UNC13C: variants seen among roughly 807,000 people sequenced by gnomAD.
The protein encoded by UNC13C is unc-13 homolog C.
A neutral mutation model predicts 245.4 loss-of-function variants in UNC13C; 174 were observed. The observed-to-expected ratio is 0.71, with a 90% CI of 0.63 to 0.80. The LOEUF (loss-of-function observed/expected upper bound fraction) is 0.80. Ranked by LOEUF, UNC13C falls within the 30% of genes least tolerant of loss-of-function variation. UNC13C has a pLI of 0.00. For synonymous variants in UNC13C, 992 were observed against 895.1 expected (o/e 1.11, Z -1.93); for missense variants, 2,829 against 2,602.9 (o/e 1.09, Z -1.89).
At chr15:53,990,237 A>G (rs1894325084) in intron 1 of UNC13C, among the ~76,000 whole-genome samples, 1 of 151,976 alleles carries the variant, frequency 6.6e-6, no homozygotes, top group African/African-American at 2.4e-5. Context: ...CTTATTCAGG[A>G]CTCTTTGAAT....
At chr15:54,300,804 A>G in intron 13 of UNC13C, among the ~76,000 whole-genome samples, 1 of 152,196 alleles carries the variant, frequency 6.6e-6, no homozygotes, top group East Asian at 1.9e-4. Flanking sequence ...TGGTTTGTCC[A>G]AGGTCACAAA....
chr15:54,495,674 TA>T (rs886679810), intron 20 of UNC13C, among the ~76,000 whole-genome samples: 29 of 152,044 alleles, frequency 1.9e-4, no homozygotes, highest in African/African-American at 6.0e-4. Context: ...AGTAATATTT[TA>T]AAAAAATAAT....
At chr15:54,573,656 G>A (rs188372076) in intron 30 of UNC13C, among the ~76,000 whole-genome samples, 1 of 152,176 alleles carries the variant, frequency 6.6e-6, no homozygotes, top group East Asian at 1.9e-4. Context: ...CTCTAATATG[G>A]TGCTTCTCAA....
At chr15:54,127,571 G>C (rs1209480949) in intron 2 of UNC13C, among the ~76,000 whole-genome samples, 1 of 151,732 alleles carries the variant, frequency 6.6e-6, no homozygotes, top group African/African-American at 2.4e-5. Flanking sequence ...TGGGGGACTA[G>C]GGAAGGGATA....
chr15:54,333,789 C>T lies in UNC13C; in HGVS notation c.4517C>T (p.Thr1506Ile), dbSNP rs919729211. 27 of 1,605,404 alleles carry T rather than the reference C, an allele frequency of 1.7e-5. No homozygotes were observed. The highest frequency in any genetic ancestry group is 2.3e-5 in the Non-Finnish European group (27 of 1,175,502). ...KYRENFPASN[T>I]ERLQDLKSTV... ...CAGGAAAACTTTCCTGCAAGCAATACTGAAAGACTGCAAGACCTGAAATCA... is the reference window on the plus strand; with the variant it reads ...CAGGAAAACTTTCCTGCAAGCAATATTGAAAGACTGCAAGACCTGAAATCA... Residue 1506 changes from threonine to isoleucine, a missense_variant, in exon 16 of 33, where the codon ACT becomes ATT. By Grantham distance (89) the Thr-to-Ile change is moderately conservative. Coordinates refer to ENST00000260323, the MANE Select transcript of UNC13C (RefSeq NM_001080534.3).
At chr15:54,157,285 T>C (rs1032751816) in intron 4 of UNC13C, among the ~76,000 whole-genome samples, 1 of 152,262 alleles carries the variant, frequency 6.6e-6, no homozygotes, top group African/African-American at 2.4e-5. Flanking sequence ...GTTTTAAATC[T>C]TGACTCTATT....
At chr15:54,374,503 A>G (rs1596300205) in intron 17 of UNC13C, among the ~76,000 whole-genome samples, 1 of 152,188 alleles carries the variant, frequency 6.6e-6, no homozygotes, top group Non-Finnish European at 1.5e-5. Context: ...GGGTTGTGAC[A>G]GTGCCCAGGC....
chr15:53,908,444 G>A, the UNC13C span, among the ~76,000 whole-genome samples: 2 of 145,840 alleles, frequency 1.4e-5, no homozygotes, highest in African/African-American at 2.4e-5. Flanking sequence ...ACCCTTTGGG[G>A]AGTATACATT....
intron 4 of UNC13C, among the ~76,000 whole-genome samples, chr15:54,174,305 C>T (rs1197830394): frequency 1.3e-5 from 2 of 152,052 alleles, no homozygotes; most frequent in African/African-American, 4.8e-5. Context: ...TAAGTGATTG[C>T]AAAACAAAAA....
At chr15:54,033,345 G>C (rs968289706) in intron 2 of UNC13C, among the ~76,000 whole-genome samples, 1 of 152,090 alleles carries the variant, frequency 6.6e-6, no homozygotes, top group Non-Finnish European at 1.5e-5. Flanking sequence ...GAGAAACACT[G>C]TTACTTTGGA....
At chr15:54,444,971 C>T (rs889800489) in intron 19 of UNC13C, among the ~76,000 whole-genome samples, 5 of 126,100 alleles carry the variant, frequency 4.0e-5, no homozygotes, top group Non-Finnish European at 6.6e-5. Context: ...CCCCCTCCCC[C>T]CACCCCACAA....
chr15:54,498,911 A>G (rs1030656189), intron 20 of UNC13C, among the ~76,000 whole-genome samples: 2 of 152,178 alleles, frequency 1.3e-5, no homozygotes, highest in South Asian at 2.1e-4. Flanking sequence ...GTAGAAATGC[A>G]AAGTGCTTAA....
chr15:54,254,236 A>G (rs2036223440), intron 8 of UNC13C, among the ~76,000 whole-genome samples: 1 of 152,218 alleles, frequency 6.6e-6, no homozygotes, highest in Non-Finnish European at 1.5e-5. Context: ...TATATTGAGC[A>G]ACTATTGTGG....
chr15:54,544,411 A>T (rs1320040648), intron 26 of UNC13C, among the ~76,000 whole-genome samples: 1 of 152,040 alleles, frequency 6.6e-6, no homozygotes, highest in Non-Finnish European at 1.5e-5. Context: ...CTCTCTCACC[A>T]CTCCTGTTTA....
chr15:54,535,569 C>A (rs188158900), intron 26 of UNC13C, among the ~76,000 whole-genome samples: 21 of 152,214 alleles, frequency 1.4e-4, no homozygotes, highest in Non-Finnish European at 2.8e-4. Context: ...GCACTTGGCA[C>A]ACACTCTAAA....
intron 13 of UNC13C, among the ~76,000 whole-genome samples, chr15:54,307,328 G>A (rs141182694): frequency 1.1e-4 from 16 of 151,980 alleles, no homozygotes; most frequent in African/African-American, 3.9e-4. Context: ...CCAAAGGGAT[G>A]GAAGCTCTCT....
chr15:54,003,836 C>T (rs557292371), intron 1 of UNC13C, among the ~76,000 whole-genome samples: 2 of 152,072 alleles, frequency 1.3e-5, no homozygotes, highest in Non-Finnish European at 2.9e-5. Flanking sequence ...CATGGTGAAA[C>T]CCTGTCTCTA....
intron 26 of UNC13C, among the ~76,000 whole-genome samples, chr15:54,545,341 A>G (rs1052657979): frequency 6.6e-6 from 1 of 152,194 alleles, no homozygotes; most frequent in Non-Finnish European, 1.5e-5. Flanking sequence ...AAACCATAAC[A>G]TCCCTAGAAG....
At chr15:54,327,301 A>G (rs962384284) in intron 14 of UNC13C, among the ~76,000 whole-genome samples, 7 of 151,982 alleles carry the variant, frequency 4.6e-5, no homozygotes. Flanking sequence ...TGACTGACCA[A>G]CCTCTATAAT....
Sources: allele counts gnomAD v4.1 joint callset (sites outside exome capture counted in the v4.1 genomes callset), GRCh38; gene constraint gnomAD v4.1.1; transcripts MANE v1.5; gene names NCBI Gene and HGNC (gene_info 2026-07-23, HGNC 2026-07-21).